The following KAZN variants were observed in gnomAD, a reference collection of about 807,000 sequenced individuals.
The protein encoded by KAZN is kazrin, periplakin interacting protein.
KAZN carries 40 observed loss-of-function variants against 87.4 expected under a neutral mutation model. The observed-to-expected ratio is 0.46, with a 90% CI of 0.36 to 0.60. The LOEUF (loss-of-function observed/expected upper bound fraction) is 0.60, where lower values mean the gene tolerates loss of function less well. Ranked by LOEUF, KAZN falls within the 20% of genes least tolerant of loss-of-function variation. The pLI, the probability that KAZN is intolerant of heterozygous loss-of-function variation, is 0.00. For missense variants in KAZN, 898 were observed against 1,073.9 expected, an observed-to-expected ratio of 0.84 and a Z score of 2.29; for synonymous variants, 466 against 458.3, an observed-to-expected ratio of 1.02 and a Z score of -0.22.
intron 1 of KAZN, among the ~76,000 whole-genome samples, chr1:14,827,184 A>G (rs1405936010): frequency 1.3e-5 from 2 of 152,162 alleles, no homozygotes; most frequent in African/African-American, 4.8e-5. Context: ...CCAACCCAGT[A>G]GTGATTGACT....
At chr1:14,189,970 G>T (rs960317940) in intron 2 of KAZN, among the ~76,000 whole-genome samples, 1 of 152,128 alleles carries the variant, frequency 6.6e-6, no homozygotes, top group Admixed American at 6.5e-5. Context: ...GGCACGAACT[G>T]TGTTCTTATA....
intron 2 of KAZN, among the ~76,000 whole-genome samples, chr1:15,014,023 C>T (rs1669843651): frequency 6.6e-6 from 1 of 152,158 alleles, no homozygotes; most frequent in Admixed American, 6.5e-5. Flanking sequence ...GGCCGAGAGC[C>T]TCACAGAACT....
At chr1:14,589,177 T>C (rs117406261) in intron 2 of KAZN, among the ~76,000 whole-genome samples, 2 of 152,204 alleles carry the variant, frequency 1.3e-5, no homozygotes, top group African/African-American at 4.8e-5. Context: ...GCTACCAAGA[T>C]GGCTGAGGAT....
At chr1:14,507,924 G>A (rs1343325448) in intron 2 of KAZN, among the ~76,000 whole-genome samples, 16 of 151,582 alleles carry the variant, frequency 1.1e-4, no homozygotes, top group Non-Finnish European at 1.9e-4. Context: ...TCGAGATCGC[G>A]CCACTGCTCT....
intron 3 of KAZN, among the ~76,000 whole-genome samples, chr1:15,036,231 T>G (rs71631704): frequency 9.9e-6 from 1 of 101,094 alleles, no homozygotes; most frequent in South Asian, 3.7e-4. Context: ...TCTCCCCCCA[T>G]CCCCCTCTGC....
At chr1:15,070,207 G>A (rs1639445040) in intron 8 of KAZN, among the ~76,000 whole-genome samples, 1 of 152,188 alleles carries the variant, frequency 6.6e-6, no homozygotes, top group Non-Finnish European at 1.5e-5. Context: ...GCATCATCTG[G>A]GCCTGGTTTC....
intron 8 of KAZN, among the ~76,000 whole-genome samples, chr1:15,076,796 G>T (rs977988380): frequency 6.6e-6 from 1 of 152,216 alleles, no homozygotes; most frequent in Non-Finnish European, 1.5e-5. Context: ...ACTGCCTCGC[G>T]AGCAAGCTGG....
intron 1 of KAZN, among the ~76,000 whole-genome samples, chr1:14,664,230 C>G (rs548058711): frequency 6.6e-6 from 1 of 152,296 alleles, no homozygotes; most frequent in Non-Finnish European, 1.5e-5. Context: ...GTCAGGAGTT[C>G]AAGATCAGCC....
intron 1 of KAZN, among the ~76,000 whole-genome samples, chr1:14,678,806 A>G (rs1640396143): frequency 6.6e-6 from 1 of 152,192 alleles, no homozygotes; most frequent in Non-Finnish European, 1.5e-5. Context: ...TGGGGATATA[A>G]TGGTGGATAT....
chr1:14,382,574 T>A (rs1661466584), intron 2 of KAZN, among the ~76,000 whole-genome samples: 1 of 147,974 alleles, frequency 6.8e-6, no homozygotes, highest in Non-Finnish European at 1.5e-5. Flanking sequence ...CGGTGTTTGG[T>A]TTTTTGTTCT....
intron 1 of KAZN, among the ~76,000 whole-genome samples, chr1:14,013,223 G>A (rs573377315): frequency 8.5e-5 from 13 of 152,222 alleles, no homozygotes; most frequent in African/African-American, 3.1e-4. Flanking sequence ...TTCTCTAAAT[G>A]CCTCTTTCCA....
At chr1:14,895,145 G>A (rs1254652257) in intron 1 of KAZN, among the ~76,000 whole-genome samples, 1 of 152,236 alleles carries the variant, frequency 6.6e-6, no homozygotes, top group African/African-American at 2.4e-5. Flanking sequence ...TACCTGGCTG[G>A]TGGCCATTCC....
chr1:14,912,572 G>C (rs1386477771), intron 1 of KAZN, among the ~76,000 whole-genome samples: 2 of 152,014 alleles, frequency 1.3e-5, no homozygotes, highest in Admixed American at 6.6e-5. Flanking sequence ...GTAGAGACAG[G>C]GTTTCACCAT....
At chr1:14,140,151 A>G (rs1484348566) in intron 1 of KAZN, among the ~76,000 whole-genome samples, 2 of 152,208 alleles carry the variant, frequency 1.3e-5, no homozygotes, top group East Asian at 3.9e-4. Flanking sequence ...GGTAGTCCTT[A>G]AAGGGAAGGG....
At chr1:15,013,551 C>G (rs912150312) in intron 2 of KAZN, among the ~76,000 whole-genome samples, 1 of 151,978 alleles carries the variant, frequency 6.6e-6, no homozygotes, top group Non-Finnish European at 1.5e-5. Flanking sequence ...GTTAGGAGTT[C>G]ATGACCAGCC....
chr1:13,923,348 C>A (rs949973607), intron 1 of KAZN, among the ~76,000 whole-genome samples: 24 of 151,974 alleles, frequency 1.6e-4, no homozygotes, highest in Non-Finnish European at 1.5e-5. Context: ...CTGAGGTGGG[C>A]AGATCACGAG....
chr1:14,183,968 T>C (rs998083247), intron 2 of KAZN, among the ~76,000 whole-genome samples: 7 of 152,096 alleles, frequency 4.6e-5, no homozygotes, highest in Admixed American at 3.3e-4. Flanking sequence ...AAACTTGGCC[T>C]GTACTGGGAC....
At chr1:14,218,089 A>AT (rs1646997826) in intron 2 of KAZN, among the ~76,000 whole-genome samples, 1 of 152,110 alleles carries the variant, frequency 6.6e-6, no homozygotes, top group Non-Finnish European at 1.5e-5. Flanking sequence ...ACTGAGTGCT[A>AT]TATATATTTA....
Position 15,112,458 on chromosome 1 carries a change from G to A in KAZN, c.2080G>A (p.Gly694Arg). The change falls in exon 14 of 15, where the codon GGA becomes AGA. Residue 694 changes from glycine to arginine, a missense_variant. Coordinates refer to ENST00000376030, the MANE Select transcript of KAZN (RefSeq NM_201628.3). ...STGIREAERF[G>R]TPPGRASSVT... ...AGGCATCCGGGAGGCTGAGCGTTTT[G>A]GAACGCCCCCTGGCAGGGCCTCCAG... 1 of 1,606,228 alleles carries A rather than the reference G, an allele frequency of 6.2e-7. No individual in the cohort carries two copies. Among genetic ancestry groups the A allele is most frequent in the Non-Finnish European group, 8.5e-7 (1 of 1,176,942 alleles).
Sources: gnomAD v4.1 joint callset for allele counts (sites outside exome capture counted in the v4.1 genomes callset) on GRCh38, gnomAD v4.1.1 for gene constraint, MANE v1.5 for transcripts, NCBI Gene and HGNC (gene_info 2026-07-23, HGNC 2026-07-21) for gene names.